THRB: variants seen among roughly 807,000 people sequenced by gnomAD.
The protein encoded by THRB is thyroid hormone receptor beta.
A neutral mutation model predicts 47.8 loss-of-function variants in THRB; 12 were observed. The ratio of observed to expected loss-of-function variants is 0.25; its 90% CI spans 0.16 to 0.41. The LOEUF (loss-of-function observed/expected upper bound fraction) is 0.41. Ranked by LOEUF, THRB falls within the 10% of genes least tolerant of loss-of-function variation. THRB has a pLI of 1.00. For missense variants in THRB, 348 were observed against 589.2 expected, an observed-to-expected ratio of 0.59 and a Z score of 4.24; for synonymous variants, 218 against 212.2, an observed-to-expected ratio of 1.03 and a Z score of -0.24.
At chr3:24,423,164 C>A (rs2069431891) in intron 1 of THRB, among the ~76,000 whole-genome samples, 1 of 151,856 alleles carries the variant, frequency 6.6e-6, no homozygotes, top group African/African-American at 2.4e-5. Flanking sequence ...GAGTCGGTGA[C>A]CCCCAATCAA....
chr3:24,436,338 C>T (rs1488177773), intron 1 of THRB, among the ~76,000 whole-genome samples: 1 of 152,090 alleles, frequency 6.6e-6, no homozygotes, highest in Non-Finnish European at 1.5e-5. Context: ...CTCTACATTC[C>T]TCATAGTCTC....
chr3:24,267,413 G>A (rs1447796580), intron 3 of THRB, among the ~76,000 whole-genome samples: 3 of 150,922 alleles, frequency 2.0e-5, no homozygotes, highest in Non-Finnish European at 4.4e-5. Context: ...AAAAACTACA[G>A]TGTTCCAGGA....
intron 3 of THRB, among the ~76,000 whole-genome samples, chr3:24,230,720 C>T (rs1315187597): frequency 1.3e-5 from 2 of 152,192 alleles, no homozygotes; most frequent in African/African-American, 4.8e-5. Context: ...CATGCTACCA[C>T]TCCTGAATAT....
At chr3:24,323,727 T>C (rs1314595294) in intron 2 of THRB, among the ~76,000 whole-genome samples, 1 of 152,220 alleles carries the variant, frequency 6.6e-6, no homozygotes, top group Non-Finnish European at 1.5e-5. Flanking sequence ...CCAGAAGTCA[T>C]AATACCAGTT....
chr3:24,320,892 C>G (rs1439021022), intron 2 of THRB, among the ~76,000 whole-genome samples: 4 of 152,002 alleles, frequency 2.6e-5, no homozygotes, highest in Admixed American at 2.6e-4. Context: ...TCCATTGGGT[C>G]TCACCAATTA....
intron 6 of THRB, among the ~76,000 whole-genome samples, chr3:24,147,684 C>G (rs1172997650): frequency 6.6e-6 from 1 of 152,184 alleles, no homozygotes; most frequent in African/African-American, 2.4e-5. Context: ...CAACTGTCAT[C>G]TGTATTGTAG....
intron 4 of THRB, among the ~76,000 whole-genome samples, chr3:24,210,169 A>C (rs1432795145): frequency 6.6e-6 from 1 of 152,156 alleles, no homozygotes; most frequent in East Asian, 1.9e-4. Context: ...AGAATTGGCA[A>C]TTTGCTTCCT....
chr3:24,169,770 T>A (rs539495053), intron 5 of THRB, among the ~76,000 whole-genome samples: 1 of 146,718 alleles, frequency 6.8e-6, no homozygotes, highest in East Asian at 2.0e-4. Context: ...AGGTCAGCAA[T>A]CTTCAGCCTG....
chr3:24,280,446 T>C (rs1347991912), intron 3 of THRB, among the ~76,000 whole-genome samples: 4 of 151,906 alleles, frequency 2.6e-5, no homozygotes, highest in African/African-American at 9.7e-5. Flanking sequence ...TACATCACCA[T>C]CATCAAAGAC....
chr3:24,357,773 G>A (rs571351717), intron 1 of THRB, among the ~76,000 whole-genome samples: 7 of 152,138 alleles, frequency 4.6e-5, no homozygotes, highest in East Asian at 3.9e-4. Context: ...TAGGTTGTAC[G>A]CTGTTCTTTG....
chr3:24,349,629 A>G (rs916121929), intron 1 of THRB, among the ~76,000 whole-genome samples: 1 of 152,144 alleles, frequency 6.6e-6, no homozygotes, highest in Non-Finnish European at 1.5e-5. Flanking sequence ...TGGTAGGTTA[A>G]CTGGATACCC....
chr3:24,259,620 C>CTTTTTTT lies in THRB; in HGVS notation c.-42-30626_-42-30620dup, dbSNP rs10671187. 3.2e-3 allele frequency among the ~76,000 whole-genome samples: 319 copies of CTTTTTTT among 98,226 alleles called. 3 individuals are homozygous for CTTTTTTT. Among genetic ancestry groups the CTTTTTTT allele is most frequent in the African/African-American group, 0.012 (305 of 25,508 alleles). 64.4% of individuals were successfully genotyped at this position (98,226 alleles called of 152,430 possible). A position where few individuals can be genotyped will look rare whatever the true frequency, so the allele number is the denominator to read the frequency against. On this transcript the variant is annotated intron_variant, in intron 3 of 10. Transcript: ENST00000646209. The stretch of plus-strand genomic sequence containing the variant: ...CAAAGTGGGAATTAGCTCTGCTTAC[C>CTTTTTTT]TTTTTTTTTTTTTTTTTTTTTTTAA...
intron 1 of THRB, among the ~76,000 whole-genome samples, chr3:24,360,659 T>C (rs1313873726): frequency 1.3e-5 from 2 of 152,174 alleles, no homozygotes; most frequent in African/African-American, 2.4e-5. Flanking sequence ...GAAGTTTTCA[T>C]AGCTCCCCAG....
intron 2 of THRB, among the ~76,000 whole-genome samples, chr3:24,303,492 C>A (rs570775105): frequency 1.3e-5 from 2 of 152,188 alleles, no homozygotes; most frequent in East Asian, 3.9e-4. Context: ...ACACCAGACA[C>A]GTGAGCATGC....
chr3:24,296,210 G>C (rs2056435790), intron 3 of THRB, among the ~76,000 whole-genome samples: 1 of 152,178 alleles, frequency 6.6e-6, no homozygotes, highest in Admixed American at 6.6e-5. Flanking sequence ...CCCACTTCTT[G>C]AAATGGAGAA....
chr3:24,463,498 G>A (rs536962678), intron 1 of THRB, among the ~76,000 whole-genome samples: 1 of 152,108 alleles, frequency 6.6e-6, no homozygotes, highest in Admixed American at 6.5e-5. Context: ...TTGAACTCTT[G>A]GGCTCACCTC....
rs1305191999 is a variant in THRB, at chr3:24,117,181, T to C, written c.*5703A>G. On this transcript the variant is annotated 3_prime_UTR_variant, in exon 11 of 11. Coordinates refer to ENST00000646209, the MANE Select transcript of THRB (RefSeq NM_001354712.2). ...CTTTGGAAGGTGTTTATTTGGTTCA[T>C]GTCCTGGCCAAATAAAAACTTGGAG... is the stretch of plus-strand genomic sequence containing the variant. 6.6e-6 allele frequency: 1 copy of C among 152,240 alleles called. No individual in the cohort carries two copies. Among genetic ancestry groups the C allele is most frequent in the Non-Finnish European group, 1.5e-5 (1 of 68,042 alleles). The allele number at this position is 152,240 out of a possible 1,614,324, so 9.4% of individuals were successfully genotyped here. A position where few individuals can be genotyped will look rare whatever the true frequency, so the allele number is the denominator to read the frequency against.
chr3:24,432,609 G>C (rs905329471), intron 1 of THRB, among the ~76,000 whole-genome samples: 8 of 152,140 alleles, frequency 5.3e-5, no homozygotes, highest in Non-Finnish European at 1.2e-4. Flanking sequence ...CACTTCACAC[G>C]AATGGCTAAG....
At chr3:24,433,862 G>T (rs1489246201) in intron 1 of THRB, among the ~76,000 whole-genome samples, 1 of 152,114 alleles carries the variant, frequency 6.6e-6, no homozygotes, top group African/African-American at 2.4e-5. Context: ...ACCCTGGATG[G>T]GAGTAAGGAA....
Sources: gnomAD v4.1 joint callset for allele counts (sites outside exome capture counted in the v4.1 genomes callset) on GRCh38, gnomAD v4.1.1 for gene constraint, MANE v1.5 for transcripts, NCBI Gene and HGNC (gene_info 2026-07-23, HGNC 2026-07-21) for gene names.